Variants in NPLOC4 observed in about 807,000 individuals in gnomAD.
NPLOC4 encodes the protein nuclear protein localization protein 4 homolog.
In NPLOC4, 18 loss-of-function variants were observed where a neutral mutation model predicts 80.6. That is an observed-to-expected ratio of 0.22 (90% confidence interval 0.15 to 0.33). The LOEUF is 0.33. Ranked by LOEUF, NPLOC4 falls within the 10% of genes least tolerant of loss-of-function variation. NPLOC4 has a pLI of 1.00. For missense variants in NPLOC4, 540 were observed against 786.1 expected, an observed-to-expected ratio of 0.69 and a Z score of 3.74; for synonymous variants, 313 against 301.5, an observed-to-expected ratio of 1.04 and a Z score of -0.39.
rs1215812899 is a variant in NPLOC4 at position 81,600,358 on chromosome 17, T to G, written c.904A>C (p.Lys302Gln). The G allele has an allele frequency of 6.2e-7, 1 of 1,611,926 alleles. No homozygotes were observed. Among genetic ancestry groups the G allele is most frequent in the Admixed American group, 1.7e-5 (1 of 59,718 alleles). ...KAEVVDEIAA[K>Q]LGLRKVGWIF... The stretch of plus-strand genomic sequence containing the variant: ...CTCAGTACCTTCCGCAGGCCAAGTT[T>G]GGCAGCAATTTCATCGACCACTTCA... Residue 302 changes from lysine (K) to glutamine (Q), a missense_variant, in exon 9 of 17, where the codon AAA (lysine) becomes CAA (glutamine). By Grantham distance (53) the Lys-to-Gln change is moderately conservative. Around this residue, in one of 6 missense-constraint regions of NPLOC4, gnomAD observed 251 missense variants for 377.5 expected, o/e 0.66. Coordinates refer to ENST00000331134, the MANE Select transcript of NPLOC4 (RefSeq NM_017921.4).
Position 81,558,706 on chromosome 17 carries a change from C to T in NPLOC4, c.*553G>A, listed in dbSNP as rs2033733330. 1 of 152,318 alleles carries T rather than the reference C, an allele frequency of 6.6e-6. No homozygotes were observed. Among genetic ancestry groups the T allele is most frequent in the African/African-American group, 2.4e-5 (1 of 41,434 alleles). 9.4% of individuals were successfully genotyped at this position (152,318 alleles called of 1,614,324 possible). A position where few individuals can be genotyped will look rare whatever the true frequency, so the allele number is the denominator to read the frequency against. On this transcript the variant is annotated 3_prime_UTR_variant, in exon 17 of 17. Coordinates refer to ENST00000331134, the MANE Select transcript of NPLOC4 (RefSeq NM_017921.4). ...AGGAGGAGGGCAGGCAGCAAACCGA[C>T]CTGCAGACCTGCAGAGGGGAGCCGT...
chr17:81,601,867 C>T (rs1240519553), intron 8 of NPLOC4, among the ~76,000 whole-genome samples: 1 of 152,206 alleles, frequency 6.6e-6, no homozygotes, highest in African/African-American at 2.4e-5. Context: ...TGTACACCAG[C>T]TGTTACCCAT....
chr17:81,578,366 CCA>C (rs2034355736), intron 12 of NPLOC4, among the ~76,000 whole-genome samples: 1 of 152,216 alleles, frequency 6.6e-6, no homozygotes, highest in Non-Finnish European at 1.5e-5. Context: ...CAGGACACCT[CCA>C]CAGTTTCCAA....
intron 11 of NPLOC4, among the ~76,000 whole-genome samples, chr17:81,595,898 C>T (rs2034896211): frequency 6.6e-6 from 1 of 151,986 alleles, no homozygotes; most frequent in South Asian, 2.1e-4. Context: ...CTGTGGAGGT[C>T]CTGATTCTGT....
intron 11 of NPLOC4, among the ~76,000 whole-genome samples, chr17:81,589,810 C>T (rs1260873596): frequency 7.0e-6 from 1 of 141,868 alleles, no homozygotes; most frequent in Non-Finnish European, 1.5e-5. Flanking sequence ...CCAGTCTGGG[C>T]AACATAGTGA....
Position 81,597,231 on chromosome 17 carries a change from T to G in NPLOC4, c.993+14A>C, listed in dbSNP as rs1437255215. The G allele has an allele frequency of 6.2e-7, 1 of 1,609,432 alleles. No homozygotes were observed. The highest frequency in any genetic ancestry group is 8.5e-7 in the Non-Finnish European group (1 of 1,175,750). ...AGCCATAGGGCCACACGCACAGTCCTGTCTCCACCTCACCTTATTTCGACT... is the reference window on the plus strand; with the variant it reads ...AGCCATAGGGCCACACGCACAGTCCGGTCTCCACCTCACCTTATTTCGACT... On this transcript the variant is annotated intron_variant, in intron 10 of 16. Transcript: ENST00000331134.
intron 1 of NPLOC4, among the ~76,000 whole-genome samples, chr17:81,630,911 G>C (rs981317769): frequency 6.0e-5 from 9 of 150,506 alleles, no homozygotes; most frequent in African/African-American, 2.0e-4. Flanking sequence ...AGTGGCTCCT[G>C]CCTGTAATCC....
intron 11 of NPLOC4, among the ~76,000 whole-genome samples, chr17:81,591,797 G>A (rs573088221): frequency 6.6e-6 from 1 of 152,250 alleles, no homozygotes; most frequent in South Asian, 2.1e-4. Flanking sequence ...AGGATCACAG[G>A]GCCTACAAAG....
chr17:81,602,250 C>CA (rs1229390645), intron 8 of NPLOC4, among the ~76,000 whole-genome samples: 2 of 151,912 alleles, frequency 1.3e-5, no homozygotes, highest in East Asian at 1.9e-4. Flanking sequence ...AACAAACAAA[C>CA]AAAAAACAAA....
intron 12 of NPLOC4, among the ~76,000 whole-genome samples, chr17:81,587,807 T>A (rs1239564225): frequency 6.7e-6 from 1 of 149,228 alleles, no homozygotes; most frequent in African/African-American, 2.5e-5. Context: ...TAGCTGGGAC[T>A]ACAGGTGCCT....
intron 13 of NPLOC4, among the ~76,000 whole-genome samples, chr17:81,569,888 C>T (rs1022627410): frequency 3.9e-5 from 6 of 152,180 alleles, no homozygotes; most frequent in South Asian, 2.1e-4. Context: ...TTTTATTCTT[C>T]GTGACAGACA....
intron 2 of NPLOC4, among the ~76,000 whole-genome samples, chr17:81,626,559 C>T (rs2035800802): frequency 6.6e-6 from 1 of 152,078 alleles, no homozygotes; most frequent in South Asian, 2.1e-4. Context: ...CTCAACAGGA[C>T]CAGGCACCGC....
At chr17:81,587,868 G>A (rs939793208) in intron 12 of NPLOC4, among the ~76,000 whole-genome samples, 3 of 150,504 alleles carry the variant, frequency 2.0e-5, no homozygotes, top group Non-Finnish European at 4.4e-5. Context: ...GTAGAGACGG[G>A]GTTTCACCGT....
intron 6 of NPLOC4, among the ~76,000 whole-genome samples, chr17:81,608,056 A>G (rs941678562): frequency 6.6e-6 from 1 of 152,216 alleles, no homozygotes; most frequent in Non-Finnish European, 1.5e-5. Flanking sequence ...CAAAATGCTC[A>G]GTTCACCCCT....
chr17:81,600,535 CCTT>C, intron 8 of NPLOC4, 108 bp from the exon 9 acceptor site: 1 of 770,256 alleles, frequency 1.3e-6, no homozygotes. Context: ...CTGGGGGCCT[CCTT>C]GTCAGAAAGG....
At position 81,587,478 on chromosome 17, in the gene NPLOC4, GCTAA is replaced by G. The variant is rs777827629; in HGVS notation, c.1281+1462_1281+1465del. Among the ~76,000 whole-genome samples, 179 of 151,348 alleles carry G rather than the reference GCTAA, an allele frequency of 1.2e-3. 1 individual carries two copies. The highest frequency in any genetic ancestry group is 2.3e-3 in the Non-Finnish European group (155 of 67,874). ...CTACAGGCGCCTGCCACCATGCCCG[GCTAA>G]CTTTTTGTAGTTTTAGTAGAGACGG... On this transcript the variant is annotated intron_variant, in intron 12 of 16. Coordinates refer to ENST00000331134, the MANE Select transcript of NPLOC4 (RefSeq NM_017921.4).
Position 81,600,383 on chromosome 17 carries a change from A to G in NPLOC4, c.879T>C (p.Ala293=), listed in dbSNP as rs769398787. ...NSLELLEDPK[A]EVVDEIAAKL... Reference sequence around the variant, plus strand: ...TGGCAGCAATTTCATCGACCACTTCAGCTTTTGGATCCTCAAGAAGCTCCA... The same window carrying G: ...TGGCAGCAATTTCATCGACCACTTCGGCTTTTGGATCCTCAAGAAGCTCCA... Residue 293 remains alanine (A), a synonymous_variant, in exon 9 of 17, where the codon GCT becomes GCC. Coordinates refer to ENST00000331134, the MANE Select transcript of NPLOC4 (RefSeq NM_017921.4). 17 of 1,612,690 alleles carry G rather than the reference A, an allele frequency of 1.1e-5. No individual in the cohort carries two copies. The highest frequency in any genetic ancestry group is 3.3e-4 in the Middle Eastern group (2 of 6,078).
Position 81,577,985 on chromosome 17 carries a change from C to T in NPLOC4, c.1282-5897G>A, listed in dbSNP as rs1234835762. On this transcript the variant is annotated intron_variant, in intron 12 of 16. Transcript: ENST00000331134. The surrounding 1 kb of genome is among the most constrained non-coding windows in gnomAD (Gnocchi z 4.3). ...TACAGCGGGGACCTCCCCTGCCCAC[C>T]CCATCCGGCTGTCAGCACCTGTCCA... 2.6e-5 allele frequency among the ~76,000 whole-genome samples: 4 copies of T among 152,242 alleles called. No individual in the cohort carries two copies. The highest frequency in any genetic ancestry group is 4.4e-5 in the Non-Finnish European group (3 of 68,042).
At chr17:81,626,715 T>C (rs2035804905) in intron 2 of NPLOC4, among the ~76,000 whole-genome samples, 1 of 152,058 alleles carries the variant, frequency 6.6e-6, no homozygotes, top group Non-Finnish European at 1.5e-5. Flanking sequence ...GGAGGATCGT[T>C]TGAGCCCGGG....
Sources: gnomAD v4.1 joint callset for allele counts (sites outside exome capture counted in the v4.1 genomes callset) on GRCh38, gnomAD v4.1.1 for gene constraint, gnomAD v4.1.1 regional missense constraint, Gnocchi (gnomAD v3.1) non-coding constraint, MANE v1.5 for transcripts, NCBI Gene and HGNC (gene_info 2026-07-23, HGNC 2026-07-21) for gene names.